The following SP140L variants were observed in gnomAD, a reference collection of about 807,000 sequenced individuals.
SP140L encodes nuclear body protein SP140-like protein.
A neutral mutation model predicts 84.3 loss-of-function variants in SP140L; 64 were observed. The observed-to-expected ratio is 0.76, with a 90% CI of 0.62 to 0.94. SP140L has a LOEUF of 0.94. SP140L is among the 40% of genes least tolerant of loss of function. The pLI, the probability that SP140L is intolerant of heterozygous loss-of-function variation, is 0.00. For synonymous variants in SP140L, 242 were observed against 236.9 expected, an observed-to-expected ratio of 1.02 and a Z score of -0.20; for missense variants, 628 against 692.5, an observed-to-expected ratio of 0.91 and a Z score of 1.05.
chr2:230,397,864 T>G (rs535697430), intron 14 of SP140L, among the ~76,000 whole-genome samples: 40 of 152,228 alleles, frequency 2.6e-4, no homozygotes, highest in African/African-American at 9.1e-4. Flanking sequence ...CGTGGCTGAT[T>G]TTGTATGAGC....
chr2:230,333,671 CT>C (rs2059788055), intron 2 of SP140L, among the ~76,000 whole-genome samples: 2 of 151,058 alleles, frequency 1.3e-5, no homozygotes, highest in Admixed American at 1.3e-4. Flanking sequence ...TATTTTCTCC[CT>C]TCTGCCTTAT....
At position 230,334,542 on chromosome 2, in the gene SP140L, G is replaced by C. The variant is rs879815398; in HGVS notation, c.107+5711G>C. On this transcript the variant is annotated intron_variant, in intron 2 of 18. Transcript: ENST00000415673. ...CTGGAATTCCTGAGATAACACCTAC[G>C]TGGTCATGTCACATGATTTTTTCAT... is the stretch of plus-strand genomic sequence containing the variant. Among the ~76,000 whole-genome samples the C allele has an allele frequency of 2.0e-5, 3 of 152,298 alleles. No individual in the cohort carries two copies. In the South Asian group the frequency reaches 6.2e-4, roughly 32 times the overall value.
At chr2:230,386,042 G>A (rs1037005143) in intron 9 of SP140L, among the ~76,000 whole-genome samples, 1 of 152,158 alleles carries the variant, frequency 6.6e-6, no homozygotes, top group African/African-American at 2.4e-5. Context: ...TCCGTGAGAT[G>A]CTTTCATCAA....
intron 2 of SP140L, among the ~76,000 whole-genome samples, chr2:230,334,381 C>A (rs1363129552): frequency 3.3e-5 from 5 of 152,314 alleles, no homozygotes; most frequent in South Asian, 2.1e-4. Context: ...TTCCCTGGTT[C>A]CTGCTGCTTT....
intron 14 of SP140L, among the ~76,000 whole-genome samples, chr2:230,399,390 C>G (rs1055720527): frequency 1.3e-5 from 2 of 152,166 alleles, no homozygotes; most frequent in African/African-American, 4.8e-5. Context: ...CTTTTATGGG[C>G]CCAGGAAATG....
intron 13 of SP140L, among the ~76,000 whole-genome samples, chr2:230,395,218 A>G (rs1331504652): frequency 6.6e-6 from 1 of 152,100 alleles, no homozygotes; most frequent in Non-Finnish European, 1.5e-5. Context: ...TCATTTATTC[A>G]CCCATTGAAC....
At chr2:230,350,870 A>C (rs1263651762) in intron 2 of SP140L, among the ~76,000 whole-genome samples, 1 of 152,186 alleles carries the variant, frequency 6.6e-6, no homozygotes, top group African/African-American at 2.4e-5. Flanking sequence ...AGATACATAT[A>C]TCTATGCTAG....
Position 230,403,175 on chromosome 2 carries a change from GACA to G in SP140L, c.*283_*285del, listed in dbSNP as rs951796295. The G allele has an allele frequency of 3.1e-6, 1 of 318,576 alleles. No homozygotes were observed. The highest frequency in any genetic ancestry group is 5.3e-5 in the Admixed American group (1 of 18,930). 19.7% of individuals were successfully genotyped at this position (318,576 alleles called of 1,614,324 possible). ...ACCTCTTCTCCTGAGGTCTGCTCCAGACAACATTTATTACTCACAAGACCTTTT... is the reference window on the plus strand; with the variant it reads ...ACCTCTTCTCCTGAGGTCTGCTCCAGACATTTATTACTCACAAGACCTTTT... On this transcript the variant is annotated 3_prime_UTR_variant, in exon 19 of 19. Coordinates refer to ENST00000415673, the MANE Select transcript of SP140L (RefSeq NM_138402.6).
chr2:230,331,829 T>C (rs2059732331), intron 2 of SP140L, among the ~76,000 whole-genome samples: 1 of 152,218 alleles, frequency 6.6e-6, no homozygotes, highest in African/African-American at 2.4e-5. Flanking sequence ...ACTTTCTAAG[T>C]AGTCTTCTCC....
intron 2 of SP140L, among the ~76,000 whole-genome samples, chr2:230,350,274 C>G (rs2060326270): frequency 6.6e-6 from 1 of 152,228 alleles, no homozygotes; most frequent in Admixed American, 6.5e-5. Context: ...ATGTATTAAT[C>G]TGAACATGAT....
intron 2 of SP140L, among the ~76,000 whole-genome samples, chr2:230,335,953 A>T (rs1045555251): frequency 3.3e-5 from 5 of 152,206 alleles, no homozygotes; most frequent in African/African-American, 1.2e-4. Context: ...GTACATACTC[A>T]AGAGAGGATT....
At chr2:230,393,559 T>G in intron 13 of SP140L, 98 bp downstream of exon 13, 1 of 1,356,746 alleles carries the variant, frequency 7.4e-7, no homozygotes, top group South Asian at 1.6e-5. Context: ...TAACTATAAT[T>G]AAGCTTTCAC....
intron 4 of SP140L, among the ~76,000 whole-genome samples, chr2:230,359,589 A>G (rs1274238905): frequency 6.6e-6 from 1 of 152,184 alleles, no homozygotes; most frequent in African/African-American, 2.4e-5. Flanking sequence ...CCCCATAGTC[A>G]TAGCTTTCAG....
intron 2 of SP140L, among the ~76,000 whole-genome samples, chr2:230,331,658 T>C (rs967928101): frequency 2.0e-5 from 3 of 152,250 alleles, no homozygotes; most frequent in African/African-American, 7.2e-5. Context: ...CACTTATTTA[T>C]AATTTTTTGA....
chr2:230,389,357 CAGAT>C (rs1201797035), intron 10 of SP140L, among the ~76,000 whole-genome samples: 2 of 152,102 alleles, frequency 1.3e-5, no homozygotes, highest in Admixed American at 1.3e-4. Context: ...GTACAATTTT[CAGAT>C]TATTCTAGAG....
At position 230,392,137 on chromosome 2, in the gene SP140L, A is replaced by G; in HGVS notation, c.1015A>G (p.Met339Val). The G allele has an allele frequency of 6.2e-7, 1 of 1,614,028 alleles. No individual in the cohort carries two copies. Among genetic ancestry groups the G allele is most frequent in the African/African-American group, 1.3e-5 (1 of 75,024 alleles). Reference protein sequence around the residue: ...QTEDGKWFTPMEFEIKGGYAR... With the variant: ...QTEDGKWFTPVEFEIKGGYAR... The stretch of plus-strand genomic sequence containing the variant: ...TGAGGATGGAAAATGGTTCACCCCC[A>G]TGGAATTTGAAATCAAAGGAGGCTA... Residue 339 changes from methionine to valine, a missense_variant, in exon 12 of 19, where the codon ATG (methionine) becomes GTG (valine). Physicochemically the swap from Met to Val is conservative, Grantham distance 21 (BLOSUM62 1). Transcript: ENST00000415673.
chr2:230,347,254 C>A (rs1359495185), intron 2 of SP140L, among the ~76,000 whole-genome samples: 3 of 152,056 alleles, frequency 2.0e-5, no homozygotes, highest in Non-Finnish European at 4.4e-5. Context: ...TGGAACAAGA[C>A]CTCAAGCTAC....
rs1044062317 is a variant in SP140L, at chr2:230,403,660, C to G, written c.*764C>G. The G allele has an allele frequency of 2.6e-5, 4 of 152,176 alleles. No individual in the cohort carries two copies. Among genetic ancestry groups the G allele is most frequent in the Non-Finnish European group, 5.9e-5 (4 of 68,034 alleles). The allele number at this position is 152,176 out of a possible 1,614,324, so 9.4% of individuals were successfully genotyped here. ...GGTGTATGAGTGTCAATCATCTGAC[C>G]CTTCTTGGAGTCTCATATTTCGTGG... is the stretch of plus-strand genomic sequence containing the variant. On this transcript the variant is annotated 3_prime_UTR_variant, in exon 19 of 19. Transcript: ENST00000415673.
At chr2:230,399,479 T>C (rs1018491555) in intron 14 of SP140L, among the ~76,000 whole-genome samples, 2 of 152,206 alleles carry the variant, frequency 1.3e-5, no homozygotes, top group Non-Finnish European at 1.5e-5. Context: ...CCTTTGCACC[T>C]TACAATCCAA....
Sources: allele counts gnomAD v4.1 joint callset (sites outside exome capture counted in the v4.1 genomes callset), GRCh38; gene constraint gnomAD v4.1.1; transcripts MANE v1.5; gene names NCBI Gene and HGNC (gene_info 2026-07-23, HGNC 2026-07-21).